Variants in SUPT3H observed in about 807,000 individuals in gnomAD.
SUPT3H encodes SPT3 homolog, SAGA and STAGA complex component.
SUPT3H carries 44 observed loss-of-function variants against 44.3 expected under a neutral mutation model. The observed-to-expected ratio is 0.99, with a 90% CI of 0.78 to 1.28. The LOEUF (loss-of-function observed/expected upper bound fraction) is 1.28. SUPT3H is among the 50% of genes most tolerant of loss of function. SUPT3H has a pLI of 0.00. For missense variants in SUPT3H, 380 were observed against 387.1 expected (o/e 0.98, Z 0.15); for synonymous variants, 124 against 125.6 (o/e 0.99, Z 0.09).
chr6:45,235,861 G>C (rs1373473013), intron 2 of SUPT3H, among the ~76,000 whole-genome samples: 1 of 152,136 alleles, frequency 6.6e-6, no homozygotes, highest in Non-Finnish European at 1.5e-5. Context: ...TTACTGGAAT[G>C]AAGGCAAGGA....
At chr6:45,140,576 G>A (rs1002896130) in intron 2 of SUPT3H, among the ~76,000 whole-genome samples, 15 of 152,118 alleles carry the variant, frequency 9.9e-5, no homozygotes, top group African/African-American at 3.6e-4. Context: ...CAACTTCATT[G>A]CTAGCATAAT....
At chr6:45,343,292 G>T (rs780380670) in intron 2 of SUPT3H, among the ~76,000 whole-genome samples, 1 of 152,056 alleles carries the variant, frequency 6.6e-6, no homozygotes, top group Admixed American at 6.6e-5. Flanking sequence ...GGCAGACCAA[G>T]AAGATCAAGA....
chr6:44,810,907 C>CA (rs397778032), intron 11 of SUPT3H, among the ~76,000 whole-genome samples: 60,531 of 141,632 alleles, frequency 0.43, 12,931 homozygotes, highest in Middle Eastern at 0.51. Flanking sequence ...GACTCCATCT[C>CA]AAAAAAAAAA....
intron 2 of SUPT3H, among the ~76,000 whole-genome samples, chr6:45,126,929 A>G (rs1267374069): frequency 6.6e-6 from 1 of 152,194 alleles, no homozygotes; most frequent in Non-Finnish European, 1.5e-5. Flanking sequence ...ATATTGATAC[A>G]AGAGATCATG....
chr6:45,335,052 TA>T (rs1238486919), intron 2 of SUPT3H, among the ~76,000 whole-genome samples: 1 of 151,330 alleles, frequency 6.6e-6, no homozygotes, highest in Non-Finnish European at 1.5e-5. Context: ...TTCCTATTTA[TA>T]AATATTATCT....
chr6:45,250,079 T>C (rs575589528), intron 2 of SUPT3H, among the ~76,000 whole-genome samples: 1 of 152,262 alleles, frequency 6.6e-6, no homozygotes, highest in South Asian at 2.1e-4. Flanking sequence ...TACCTGGTCA[T>C]CCTACAATAA....
At chr6:44,881,780 TGAC>T in intron 10 of SUPT3H, among the ~76,000 whole-genome samples, 1 of 152,302 alleles carries the variant, frequency 6.6e-6, no homozygotes. Context: ...TGCTCCTGAA[TGAC>T]TACTGGGTAA....
chr6:45,161,124 C>T (rs11967667), intron 2 of SUPT3H, among the ~76,000 whole-genome samples: 11 of 152,252 alleles, frequency 7.2e-5, no homozygotes, highest in African/African-American at 2.6e-4. Context: ...TGTAAGCTTT[C>T]TGAGGTTTCC....
At chr6:45,305,230 A>G (rs547090390) in intron 2 of SUPT3H, among the ~76,000 whole-genome samples, 1 of 152,318 alleles carries the variant, frequency 6.6e-6, no homozygotes, top group East Asian at 1.9e-4. Context: ...ATATTACCGG[A>G]ACATAACTCG....
intron 2 of SUPT3H, among the ~76,000 whole-genome samples, chr6:45,346,577 T>TC (rs940012790): frequency 2.0e-5 from 3 of 151,296 alleles, no homozygotes; most frequent in African/African-American, 7.3e-5. Flanking sequence ...CTTTTTTTTT[T>TC]TTTTTCTTGA....
chr6:45,087,924 G>A (rs1228051073), intron 3 of SUPT3H, among the ~76,000 whole-genome samples: 3 of 151,968 alleles, frequency 2.0e-5, no homozygotes, highest in Non-Finnish European at 2.9e-5. Context: ...CTTAGGACTC[G>A]AAGATCATTT....
At chr6:44,940,991 T>C (rs9369523) in intron 9 of SUPT3H, among the ~76,000 whole-genome samples, 48,583 of 152,014 alleles carry the variant, frequency 0.32, 9,503 homozygotes, top group East Asian at 0.56. Context: ...TATAGTTAAA[T>C]CATGTTTTGT....
At chr6:44,866,956 T>A (rs1775602835) in intron 10 of SUPT3H, among the ~76,000 whole-genome samples, 1 of 152,146 alleles carries the variant, frequency 6.6e-6, no homozygotes, top group Admixed American at 6.5e-5. Context: ...ATTTTAGATA[T>A]TCTCGGATAT....
chr6:44,818,017 A>G (rs1767022073), intron 11 of SUPT3H, among the ~76,000 whole-genome samples: 1 of 152,168 alleles, frequency 6.6e-6, no homozygotes, highest in African/African-American at 2.4e-5. Context: ...TTTGAAAAAG[A>G]AGAGCTGAGA....
intron 3 of SUPT3H, among the ~76,000 whole-genome samples, chr6:45,057,926 G>C (rs1396209852): frequency 2.0e-5 from 3 of 152,132 alleles, no homozygotes; most frequent in African/African-American, 7.2e-5. Flanking sequence ...CAGTTCCAGA[G>C]AGAACTAACA....
intron 10 of SUPT3H, among the ~76,000 whole-genome samples, chr6:44,882,706 C>T (rs1433507818): frequency 6.6e-6 from 1 of 152,180 alleles, no homozygotes; most frequent in Non-Finnish European, 1.5e-5. Context: ...TTGGCTTCAT[C>T]CCTGGGATGC....
intron 2 of SUPT3H, among the ~76,000 whole-genome samples, chr6:45,205,795 T>C (rs1470367411): frequency 6.9e-6 from 1 of 145,232 alleles, no homozygotes; most frequent in Non-Finnish European, 1.6e-5. Context: ...AGACTCTGTC[T>C]CAAAAAAAAC....
intron 2 of SUPT3H, among the ~76,000 whole-genome samples, chr6:45,151,925 T>C (rs1807024679): frequency 6.6e-6 from 1 of 152,164 alleles, no homozygotes; most frequent in Non-Finnish European, 1.5e-5. Flanking sequence ...CTCAGTTTCT[T>C]TGGTTGGTTC....
chr6:44,985,312 G>A (rs563877073), intron 6 of SUPT3H, among the ~76,000 whole-genome samples: 19 of 152,054 alleles, frequency 1.2e-4, no homozygotes, highest in African/African-American at 4.1e-4. Flanking sequence ...TAAGAGGATC[G>A]CTTGAGCTCA....
Sources: gnomAD v4.1 joint callset for allele counts (sites outside exome capture counted in the v4.1 genomes callset) on GRCh38, gnomAD v4.1.1 for gene constraint, MANE v1.5 for transcripts, NCBI Gene and HGNC (gene_info 2026-07-23, HGNC 2026-07-21) for gene names.